Variants in MYLK observed in about 807,000 individuals in gnomAD.
MYLK encodes the protein myosin light chain kinase, smooth muscle.
A neutral mutation model predicts 203.4 loss-of-function variants in MYLK; 106 were observed. The observed-to-expected ratio is 0.52, with a 90% CI of 0.45 to 0.61. The LOEUF (loss-of-function observed/expected upper bound fraction) is 0.61, where lower values mean the gene tolerates loss of function less well. MYLK is among the 20% of genes least tolerant of loss of function. The pLI is 0.00. For synonymous variants in MYLK, 867 were observed against 959.5 expected, an observed-to-expected ratio of 0.90 and a Z score of 1.78; for missense variants, 2,072 against 2,442.3, an observed-to-expected ratio of 0.85 and a Z score of 3.20.
At chr3:123,692,608 T>C in intron 19 of MYLK, 127 bp downstream of exon 19, 1 of 875,042 alleles carries the variant, frequency 1.1e-6, no homozygotes, top group South Asian at 1.3e-5. Context: ...CCAAAATGAA[T>C]GCCTTTGGGT....
chr3:123,834,212 AT>A (rs1233940406), intron 2 of MYLK, among the ~76,000 whole-genome samples: 2 of 152,078 alleles, frequency 1.3e-5, no homozygotes, highest in Non-Finnish European at 1.5e-5. Context: ...TGTCCTGCTA[AT>A]TTTTGTATTT....
intron 4 of MYLK, among the ~76,000 whole-genome samples, chr3:123,772,811 T>TA (rs1338434889): frequency 2.0e-5 from 3 of 152,088 alleles, no homozygotes; most frequent in African/African-American, 4.8e-5. Context: ...ATGTTTCATT[T>TA]AAAAAACGTG....
At chr3:123,665,301 A>C (rs1454920779) in intron 22 of MYLK, among the ~76,000 whole-genome samples, 7 of 152,360 alleles carry the variant, frequency 4.6e-5, no homozygotes, top group Admixed American at 2.6e-4. Context: ...TCTGAAGGAC[A>C]GAGCTGGGAC....
Position 123,709,031 on chromosome 3 carries a change from T to C in MYLK, c.1943-136A>G, listed in dbSNP as rs1184586444. The C allele has an allele frequency of 6.8e-6, 5 of 740,612 alleles. No individual in the cohort carries two copies. The African/African-American group carries it at 7.0e-5, about 10-fold the overall frequency. The allele number at this position is 740,612 out of a possible 1,614,324, so 45.9% of individuals were successfully genotyped here. A position where few individuals can be genotyped will look rare whatever the true frequency, so the allele number is the denominator to read the frequency against. On this transcript the variant is annotated intron_variant, in intron 14 of 33. Transcript: ENST00000360304. The stretch of plus-strand genomic sequence containing the variant: ...TGCTTTCACTTCCCCATCAGTAAAA[T>C]AGGAATTCAAACAGGATCTACCTCA...
chr3:123,784,265 G>A (rs1002426261), intron 4 of MYLK, among the ~76,000 whole-genome samples: 6 of 151,474 alleles, frequency 4.0e-5, no homozygotes, highest in Admixed American at 6.6e-5. Flanking sequence ...ACTTATACAC[G>A]AATCATATAT....
chr3:123,733,841 C>G lies in MYLK; in HGVS notation c.1155G>C (p.Arg385Ser). 1 of 1,614,064 alleles carries G rather than the reference C, an allele frequency of 6.2e-7. No individual in the cohort carries two copies. The change falls in exon 10 of 34, where the codon AGG becomes AGC. Residue 385 changes from arginine to serine, a missense_variant. Coordinates refer to ENST00000360304, the MANE Select transcript of MYLK (RefSeq NM_053025.4). ...APPRPATFPT[R>S]QPGLGSQDVV... ...CATCTTGGCTCCCCAGGCCAGGCTG[C>G]CTGGTGGGGAAGGTGGCTGGACGGG...
intron 4 of MYLK, among the ~76,000 whole-genome samples, chr3:123,769,933 T>G (rs1261411565): frequency 6.6e-6 from 1 of 152,232 alleles, no homozygotes; most frequent in Non-Finnish European, 1.5e-5. Context: ...ATTACTTGAA[T>G]GGACTGCAAG....
chr3:123,615,774 G>A (rs946046300), intron 33 of MYLK, among the ~76,000 whole-genome samples: 2 of 151,084 alleles, frequency 1.3e-5, no homozygotes, highest in African/African-American at 4.9e-5. Flanking sequence ...TCAGCCTACT[G>A]CATAGCTCAG....
At chr3:123,788,640 C>T (rs1303672905) in intron 4 of MYLK, among the ~76,000 whole-genome samples, 1 of 150,390 alleles carries the variant, frequency 6.6e-6, no homozygotes, top group Admixed American at 6.7e-5. Flanking sequence ...TGCTTCTGAG[C>T]TGGAAGTGAA....
At chr3:123,624,846 C>T (rs942991630) in intron 31 of MYLK, 1 of 152,196 alleles carries the variant, frequency 6.6e-6, no homozygotes, top group East Asian at 1.9e-4. Context: ...GGATGGTGGT[C>T]ACTTAAACTC....
At chr3:123,819,195 G>A (rs1252632734) in intron 3 of MYLK, among the ~76,000 whole-genome samples, 2 of 152,204 alleles carry the variant, frequency 1.3e-5, no homozygotes, top group African/African-American at 4.8e-5. Context: ...GGCACTGACT[G>A]CCTTTGTTCC....
chr3:123,739,626 G>C (rs1383595339), intron 6 of MYLK, among the ~76,000 whole-genome samples: 3 of 152,228 alleles, frequency 2.0e-5, no homozygotes, highest in African/African-American at 7.2e-5. Context: ...TTTGAGGCTT[G>C]TCTGTTACAG....
At chr3:123,763,003 T>C (rs1337393988) in intron 4 of MYLK, among the ~76,000 whole-genome samples, 1 of 152,216 alleles carries the variant, frequency 6.6e-6, no homozygotes, top group African/African-American at 2.4e-5. Context: ...AGCTCTCAAA[T>C]CTGCCCCCAC....
intron 12 of MYLK, among the ~76,000 whole-genome samples, chr3:123,725,496 A>G (rs1017862540): frequency 2.6e-5 from 4 of 152,202 alleles, no homozygotes; most frequent in Non-Finnish European, 5.9e-5. Flanking sequence ...ACTAAATAAA[A>G]GGTAAGATCC....
At chr3:123,779,444 C>T (rs2064207412) in intron 4 of MYLK, among the ~76,000 whole-genome samples, 1 of 152,220 alleles carries the variant, frequency 6.6e-6, no homozygotes, top group African/African-American at 2.4e-5. Context: ...CCCTGTCAGG[C>T]TTCCCAGCAT....
chr3:123,703,535 T>A (rs1387058579), intron 16 of MYLK, among the ~76,000 whole-genome samples: 1 of 152,182 alleles, frequency 6.6e-6, no homozygotes, highest in Non-Finnish European at 1.5e-5. Flanking sequence ...TCTGGAGAAT[T>A]TTGAGTTCAG....
chr3:123,703,072 G>A (rs2061312046), intron 16 of MYLK, among the ~76,000 whole-genome samples: 1 of 152,168 alleles, frequency 6.6e-6, no homozygotes, highest in Non-Finnish European at 1.5e-5. Flanking sequence ...CTGTGTTTGG[G>A]AATATGTGCA....
chr3:123,812,122 C>A (rs548330686), intron 3 of MYLK, among the ~76,000 whole-genome samples: 1 of 152,116 alleles, frequency 6.6e-6, no homozygotes, highest in African/African-American at 2.4e-5. Flanking sequence ...AGATTCAGGA[C>A]GCCTACACTG....
At chr3:123,838,594 T>C (rs1448938882) in intron 2 of MYLK, among the ~76,000 whole-genome samples, 2 of 152,086 alleles carry the variant, frequency 1.3e-5, no homozygotes, top group Admixed American at 1.3e-4. Flanking sequence ...ATAGGGTATG[T>C]AAAAGAAAAA....
Sources: allele counts gnomAD v4.1 joint callset (sites outside exome capture counted in the v4.1 genomes callset), GRCh38; gene constraint gnomAD v4.1.1; transcripts MANE v1.5; gene names NCBI Gene and HGNC (gene_info 2026-07-23, HGNC 2026-07-21).